The following SLC25A21 variants were observed in gnomAD, a reference collection of about 807,000 sequenced individuals.
SLC25A21 encodes mitochondrial 2-oxodicarboxylate carrier.
In SLC25A21, 47 loss-of-function variants were observed where a neutral mutation model predicts 43.8. The observed-to-expected ratio is 1.07, with a 90% CI of 0.85 to 1.37. SLC25A21 has a LOEUF of 1.37. Ranked by LOEUF, SLC25A21 falls within the 40% of genes most tolerant of loss-of-function variation. The pLI, the probability that SLC25A21 is intolerant of heterozygous loss-of-function variation, is 0.00. For missense variants in SLC25A21, 352 were observed against 350.2 expected, an observed-to-expected ratio of 1.00 and a Z score of -0.04; for synonymous variants, 131 against 121.3, an observed-to-expected ratio of 1.08 and a Z score of -0.52.
intron 7 of SLC25A21, among the ~76,000 whole-genome samples, chr14:36,702,014 C>G (rs560223359): frequency 6.6e-6 from 1 of 152,310 alleles, no homozygotes; most frequent in Admixed American, 6.5e-5. Flanking sequence ...AACTTCCATA[C>G]ATGAAACTTT....
intron 1 of SLC25A21, among the ~76,000 whole-genome samples, chr14:36,916,647 A>C (rs1332970331): frequency 6.6e-6 from 1 of 152,182 alleles, no homozygotes; most frequent in East Asian, 1.9e-4. Flanking sequence ...TTGATTTTGA[A>C]AGAATGGGTA....
At chr14:37,122,454 C>T (rs1009213201) in intron 1 of SLC25A21, among the ~76,000 whole-genome samples, 7 of 152,134 alleles carry the variant, frequency 4.6e-5, no homozygotes, top group Admixed American at 4.6e-4. Context: ...GCTGGGCATA[C>T]AAAAATGGCC....
At chr14:36,923,139 AAAAG>A (rs1318635729) in intron 1 of SLC25A21, among the ~76,000 whole-genome samples, 2 of 152,158 alleles carry the variant, frequency 1.3e-5, no homozygotes, top group Non-Finnish European at 2.9e-5. Flanking sequence ...CCAAGGAGAA[AAAAG>A]AAAAAGACCA....
In SLC25A21 at chr14:36,971,098, G is replaced by A. The variant is rs578185394; in HGVS notation, c.71-96094C>T. ...GTAAACATGTGAGGTCATTAGGTGAGGCAAACTGAAATGAACTTTCCGAGT... is the reference window on the plus strand; with the variant it reads ...GTAAACATGTGAGGTCATTAGGTGAAGCAAACTGAAATGAACTTTCCGAGT... On this transcript the variant is annotated intron_variant, in intron 1 of 9. Transcript: ENST00000331299. Among the ~76,000 whole-genome samples the A allele has an allele frequency of 2.6e-5, 4 of 152,226 alleles. No individual in the cohort carries two copies. In the East Asian group the frequency reaches 7.7e-4, roughly 29 times the overall value.
intron 1 of SLC25A21, among the ~76,000 whole-genome samples, chr14:36,877,942 T>A (rs1431325589): frequency 6.6e-6 from 1 of 152,134 alleles, no homozygotes; most frequent in Non-Finnish European, 1.5e-5. Flanking sequence ...TTATTACCAA[T>A]GTACTCCATG....
At chr14:37,161,540 G>A (rs575481593) in intron 1 of SLC25A21, among the ~76,000 whole-genome samples, 49 of 152,214 alleles carry the variant, frequency 3.2e-4, no homozygotes, top group African/African-American at 1.1e-3. Flanking sequence ...CTGTGAATGT[G>A]ACTTTATTTG....
At chr14:36,784,307 TAA>T (rs1455560994) in intron 3 of SLC25A21, among the ~76,000 whole-genome samples, 1 of 152,238 alleles carries the variant, frequency 6.6e-6, no homozygotes, top group Non-Finnish European at 1.5e-5. Flanking sequence ...TAGTTCCTGA[TAA>T]AAACTTACAC....
intron 6 of SLC25A21, among the ~76,000 whole-genome samples, chr14:36,711,886 T>A (rs1380219035): frequency 6.6e-6 from 1 of 152,248 alleles, no homozygotes; most frequent in Admixed American, 6.5e-5. Flanking sequence ...GGCTCCTGAA[T>A]CTAGTGTATT....
At chr14:36,734,665 T>C (rs575746485) in intron 3 of SLC25A21, 92 bp from the exon 4 acceptor site, 7 of 909,002 alleles carry the variant, frequency 7.7e-6, no homozygotes, top group Non-Finnish European at 1.0e-5. Context: ...TATTCCCGAT[T>C]ATTCAACATA....
intron 1 of SLC25A21, among the ~76,000 whole-genome samples, chr14:36,947,229 G>C (rs902074580): frequency 2.0e-5 from 3 of 152,166 alleles, no homozygotes; most frequent in Non-Finnish European, 4.4e-5. Context: ...CATTTCACTG[G>C]AAATGGGGCA....
intron 1 of SLC25A21, among the ~76,000 whole-genome samples, chr14:37,170,390 A>T (rs1261796691): frequency 6.6e-6 from 1 of 152,122 alleles, no homozygotes; most frequent in Non-Finnish European, 1.5e-5. Flanking sequence ...ACATAGTATG[A>T]TCATATAAAT....
chr14:37,004,618 T>C (rs897775103), intron 1 of SLC25A21, among the ~76,000 whole-genome samples: 12 of 152,180 alleles, frequency 7.9e-5, no homozygotes, highest in Non-Finnish European at 1.5e-4. Flanking sequence ...CAGAATTGTT[T>C]CAGCCGTTCT....
At chr14:37,092,706 A>C (rs1962612304) in intron 1 of SLC25A21, among the ~76,000 whole-genome samples, 1 of 152,146 alleles carries the variant, frequency 6.6e-6, no homozygotes, top group Non-Finnish European at 1.5e-5. Flanking sequence ...GGGGCGGAAA[A>C]ACAAGGAAAA....
chr14:36,682,240 T>G (rs1014943449), intron 9 of SLC25A21, among the ~76,000 whole-genome samples: 5 of 152,114 alleles, frequency 3.3e-5, no homozygotes, highest in Non-Finnish European at 7.4e-5. Context: ...GTCTTAATCT[T>G]TAACTCAGTG....
intron 1 of SLC25A21, among the ~76,000 whole-genome samples, chr14:36,933,597 A>C (rs549821554): frequency 6.6e-6 from 1 of 152,318 alleles, no homozygotes; most frequent in Non-Finnish European, 1.5e-5. Flanking sequence ...TAAAATACTC[A>C]AAGCTAAAGC....
intron 1 of SLC25A21, among the ~76,000 whole-genome samples, chr14:37,050,477 A>C (rs1343208497): frequency 6.6e-6 from 1 of 152,200 alleles, no homozygotes; most frequent in East Asian, 1.9e-4. Flanking sequence ...GGGGGCTGAA[A>C]GCCATTTCTC....
At chr14:37,120,767 G>A (rs559523266) in intron 1 of SLC25A21, among the ~76,000 whole-genome samples, 1 of 152,200 alleles carries the variant, frequency 6.6e-6, no homozygotes, top group East Asian at 1.9e-4. Flanking sequence ...TCTTGGTGGT[G>A]TTACCATTGG....
chr14:37,049,447 CTACAG>C (rs1396915936), intron 1 of SLC25A21, among the ~76,000 whole-genome samples: 7 of 151,892 alleles, frequency 4.6e-5, no homozygotes, highest in Admixed American at 3.9e-4. Context: ...TGGTGTGTGC[CTACAG>C]TCCTAGCAAT....
rs1405310111 is a variant in SLC25A21, at chr14:36,789,743, T to TATAATATATTTTATATATTTATAC, written c.203+24174_203+24175insGTATAAATATATAAAATATATTAT. On this transcript the variant is annotated intron_variant, in intron 3 of 9. Transcript: ENST00000331299. ...ATATAATATATTTTATATATTTATATATAATACATTTTATATATTTATATA... is the reference window on the plus strand; with the variant it reads ...ATATAATATATTTTATATATTTATATATAATATATTTTATATATTTATACATAATACATTTTATATATTTATATA... Among the ~76,000 whole-genome samples the TATAATATATTTTATATATTTATAC allele has an allele frequency of 1.1e-4, 14 of 132,204 alleles. No individual in the cohort carries two copies. The East Asian group carries it at 2.9e-3, about 27-fold the overall frequency. The allele number at this position is 132,204 out of a possible 152,430, so 86.7% of individuals were successfully genotyped here. A position where few individuals can be genotyped will look rare whatever the true frequency, so the allele number is the denominator to read the frequency against.
Sources: allele counts gnomAD v4.1 joint callset (sites outside exome capture counted in the v4.1 genomes callset), GRCh38; gene constraint gnomAD v4.1.1; transcripts MANE v1.5; gene names NCBI Gene and HGNC (gene_info 2026-07-23, HGNC 2026-07-21).